Variants in NEGR1 observed in about 807,000 individuals in gnomAD.
NEGR1 encodes neuronal growth regulator 1.
A neutral mutation model predicts 40.9 loss-of-function variants in NEGR1; 10 were observed. The observed-to-expected ratio is 0.24, with a 90% CI of 0.15 to 0.42. The LOEUF (loss-of-function observed/expected upper bound fraction) is 0.42, where lower values mean the gene tolerates loss of function less well. NEGR1 is among the 10% of genes least tolerant of loss of function. The pLI, the probability that NEGR1 is intolerant of heterozygous loss-of-function variation, is 1.00. For synonymous variants in NEGR1, 185 were observed against 166.8 expected (o/e 1.11, Z -0.84); for missense variants, 352 against 438.9 (o/e 0.80, Z 1.77).
At chr1:71,852,878 GA>G (rs1040552045) in intron 2 of NEGR1, among the ~76,000 whole-genome samples, 2 of 149,582 alleles carry the variant, frequency 1.3e-5, no homozygotes, top group Admixed American at 1.3e-4. Flanking sequence ...GGACAAAGAG[GA>G]AAAAAAAGAG....
At chr1:71,721,674 A>G (rs950407769) in intron 3 of NEGR1, among the ~76,000 whole-genome samples, 2 of 152,124 alleles carry the variant, frequency 1.3e-5, no homozygotes, top group African/African-American at 4.8e-5. Flanking sequence ...ATTAAATACC[A>G]GTAGCAGTCA....
intron 1 of NEGR1, among the ~76,000 whole-genome samples, chr1:72,222,883 C>T (rs1468328550): frequency 6.6e-6 from 1 of 152,090 alleles, no homozygotes; most frequent in Non-Finnish European, 1.5e-5. Context: ...TCATTCCCAA[C>T]CCAGGTGTCA....
At chr1:71,691,384 A>G (rs1372306520) in intron 4 of NEGR1, among the ~76,000 whole-genome samples, 3 of 151,828 alleles carry the variant, frequency 2.0e-5, no homozygotes, top group Non-Finnish European at 4.4e-5. Flanking sequence ...GAAGTATTTT[A>G]CTTATTTTTT....
chr1:71,961,316 C>T (rs1646163936), intron 1 of NEGR1, among the ~76,000 whole-genome samples: 1 of 152,106 alleles, frequency 6.6e-6, no homozygotes, highest in African/African-American at 2.4e-5. Flanking sequence ...TTTTATTGAA[C>T]ATTATTTATC....
chr1:71,669,042 A>T (rs1652330538), intron 4 of NEGR1, among the ~76,000 whole-genome samples: 1 of 152,162 alleles, frequency 6.6e-6, no homozygotes. Context: ...ATATCAATTT[A>T]TGCTTTATAT....
chr1:72,056,351 G>T (rs1647110146), intron 1 of NEGR1, among the ~76,000 whole-genome samples: 1 of 151,050 alleles, frequency 6.6e-6, no homozygotes, highest in African/African-American at 2.4e-5. Flanking sequence ...TTTTTTTCTG[G>T]CAATACAAGG....
At chr1:71,690,498 TTGGCTGCTTATTA>T (rs1395801837) in intron 4 of NEGR1, among the ~76,000 whole-genome samples, 1 of 151,176 alleles carries the variant, frequency 6.6e-6, no homozygotes, top group African/African-American at 2.4e-5. Context: ...GTTTGGTCCT[TTGGCTGCTTATTA>T]GAACATGAAT....
chr1:71,867,506 AT>A (rs1009959114), intron 2 of NEGR1, among the ~76,000 whole-genome samples: 2 of 152,200 alleles, frequency 1.3e-5, no homozygotes, highest in African/African-American at 4.8e-5. Context: ...CTAAAAAGAT[AT>A]TTAACAGTTG....
intron 1 of NEGR1, among the ~76,000 whole-genome samples, chr1:72,194,952 G>C (rs566162953): frequency 4.6e-5 from 7 of 152,148 alleles, no homozygotes; most frequent in South Asian, 4.1e-4. Flanking sequence ...TATGCATACA[G>C]CCCAAGCACA....
At chr1:72,235,297 G>A (rs1654511970) in intron 1 of NEGR1, among the ~76,000 whole-genome samples, 1 of 152,056 alleles carries the variant, frequency 6.6e-6, no homozygotes, top group African/African-American at 2.4e-5. Context: ...TGTGAAGAGT[G>A]GTGGGTGAAG....
chr1:71,795,759 C>T lies in NEGR1; in HGVS notation c.410-19462G>A, dbSNP rs554095849. Among the ~76,000 whole-genome samples the T allele has an allele frequency of 1.3e-3, 203 of 152,080 alleles. 1 individual carries two copies. Among genetic ancestry groups the T allele is most frequent in the African/African-American group, 4.7e-3 (194 of 41,452 alleles). On this transcript the variant is annotated intron_variant, in intron 2 of 6. Transcript: ENST00000357731. ...AAAACAAAATGCTGAGTGCAAAAAG[C>T]CAGTTGGGAAAGAATTGTGCAGTAT... is the stretch of plus-strand genomic sequence containing the variant.
At chr1:71,694,691 A>G (rs760542527) in intron 4 of NEGR1, among the ~76,000 whole-genome samples, 1 of 151,818 alleles carries the variant, frequency 6.6e-6, no homozygotes, top group Non-Finnish European at 1.5e-5. Flanking sequence ...GAGAAATAAT[A>G]AAACATTAAA....
At chr1:71,887,097 C>A (rs1660744184) in intron 2 of NEGR1, among the ~76,000 whole-genome samples, 1 of 152,084 alleles carries the variant, frequency 6.6e-6, no homozygotes, top group African/African-American at 2.4e-5. Context: ...ACACTGTATT[C>A]TTACAATAAA....
At chr1:71,435,850 G>T (rs1427280903) in intron 6 of NEGR1, among the ~76,000 whole-genome samples, 1 of 152,164 alleles carries the variant, frequency 6.6e-6, no homozygotes, top group Non-Finnish European at 1.5e-5. Flanking sequence ...AAATTCTTTT[G>T]ATATTGGCCA....
intron 1 of NEGR1, among the ~76,000 whole-genome samples, chr1:71,973,205 A>G (rs1420427054): frequency 6.6e-6 from 1 of 151,888 alleles, no homozygotes; most frequent in East Asian, 1.9e-4. Flanking sequence ...AGTCCCAGCT[A>G]CTCTGGAAGC....
At chr1:72,090,977 T>A (rs1027941497) in intron 1 of NEGR1, among the ~76,000 whole-genome samples, 2 of 152,230 alleles carry the variant, frequency 1.3e-5, no homozygotes, top group African/African-American at 4.8e-5. Flanking sequence ...TACATGCAGA[T>A]GCAATCCCCA....
chr1:71,920,299 C>T (rs1004292293), intron 2 of NEGR1, among the ~76,000 whole-genome samples: 1 of 152,182 alleles, frequency 6.6e-6, no homozygotes, highest in African/African-American at 2.4e-5. Flanking sequence ...CGAGTTTATA[C>T]ATCTAATTGC....
intron 6 of NEGR1, among the ~76,000 whole-genome samples, chr1:71,499,507 T>C (rs1304259259): frequency 6.7e-6 from 1 of 148,224 alleles, no homozygotes; most frequent in Admixed American, 6.8e-5. Flanking sequence ...GTATATGTTA[T>C]ATATATTATT....
intron 4 of NEGR1, among the ~76,000 whole-genome samples, chr1:71,627,751 T>C (rs1179137401): frequency 6.6e-6 from 1 of 152,032 alleles, no homozygotes; most frequent in African/African-American, 2.4e-5. Flanking sequence ...CCAAAGTTAT[T>C]CATTCTCAAA....
Sources: allele counts gnomAD v4.1 joint callset (sites outside exome capture counted in the v4.1 genomes callset), GRCh38; gene constraint gnomAD v4.1.1; transcripts MANE v1.5; gene names NCBI Gene and HGNC (gene_info 2026-07-23, HGNC 2026-07-21).